SSBP2: variants seen among roughly 807,000 people sequenced by gnomAD.
The protein encoded by SSBP2 is single stranded DNA binding protein 2, also known as single-stranded DNA-binding protein 2.
In SSBP2, 17 loss-of-function variants were observed where a neutral mutation model predicts 61.8. That is an observed-to-expected ratio of 0.28 (90% CI 0.19 to 0.41). The LOEUF is 0.41. Among genes scored for constraint, SSBP2 ranks in the 10% least tolerant of loss-of-function variants. The pLI is 1.00. For synonymous variants in SSBP2, 139 were observed against 141.3 expected (o/e 0.98, Z 0.12); for missense variants, 310 against 458.7 (o/e 0.68, Z 2.96).
intron 4 of SSBP2, among the ~76,000 whole-genome samples, chr5:81,529,558 T>C (rs948068383): frequency 1.3e-5 from 2 of 152,104 alleles, no homozygotes; most frequent in Non-Finnish European, 2.9e-5. Flanking sequence ...ACACAGCTTA[T>C]TGTAAATGGT....
Position 81,513,673 on chromosome 5 carries a change from T to C in SSBP2, c.327A>G (p.Pro109=). Residue 109 remains proline, a synonymous_variant, in exon 5 of 17, where the codon CCA becomes CCG. Transcript: ENST00000320672. The stretch of plus-strand genomic sequence containing the variant: ...CAGGACCTACTGGCATGCCATCTCC[T>C]GGGGGAATGTTTCCTAGCACTGGAC... 3 of 1,613,170 alleles carry C rather than the reference T, an allele frequency of 1.9e-6. No homozygotes were observed. The highest frequency in any genetic ancestry group is 2.5e-6 in the Non-Finnish European group (3 of 1,179,352).
chr5:81,627,772 T>C (rs973481588), intron 3 of SSBP2, among the ~76,000 whole-genome samples: 1 of 152,088 alleles, frequency 6.6e-6, no homozygotes, highest in African/African-American at 2.4e-5. Flanking sequence ...AAAAATGAGG[T>C]ATAGGCTGGT....
intron 5 of SSBP2, among the ~76,000 whole-genome samples, chr5:81,501,988 G>A (rs890849287): frequency 6.6e-6 from 1 of 152,074 alleles, no homozygotes; most frequent in Admixed American, 6.5e-5. Flanking sequence ...TAGTTTGTAA[G>A]AGCCAACATT....
At chr5:81,484,381 T>C (rs570134116) in intron 6 of SSBP2, among the ~76,000 whole-genome samples, 1 of 152,154 alleles carries the variant, frequency 6.6e-6, no homozygotes, top group Non-Finnish European at 1.5e-5. Context: ...TAGAATTCAC[T>C]ATGCAAAATT....
At chr5:81,477,036 A>G (rs578037567) in intron 6 of SSBP2, among the ~76,000 whole-genome samples, 1 of 151,972 alleles carries the variant, frequency 6.6e-6, no homozygotes, top group Non-Finnish European at 1.5e-5. Context: ...TGTGTGTAAC[A>G]TACCCACATC....
intron 4 of SSBP2, among the ~76,000 whole-genome samples, chr5:81,550,354 G>A (rs1772078138): frequency 1.3e-5 from 2 of 151,968 alleles, no homozygotes; most frequent in African/African-American, 4.8e-5. Flanking sequence ...TTATATTATT[G>A]TATTATCTAA....
At chr5:81,657,252 C>T (rs758547561) in intron 1 of SSBP2, among the ~76,000 whole-genome samples, 8 of 152,202 alleles carry the variant, frequency 5.3e-5, no homozygotes, top group African/African-American at 9.6e-5. Flanking sequence ...TGTAAAGAAT[C>T]AGAAAGCCAA....
chr5:81,492,206 C>T (rs1251495391), intron 5 of SSBP2, among the ~76,000 whole-genome samples: 1 of 152,146 alleles, frequency 6.6e-6, no homozygotes, highest in Non-Finnish European at 1.5e-5. Flanking sequence ...AGAATAGGTT[C>T]TTCAAGAGTC....
At chr5:81,442,987 T>C (rs954916679) in intron 12 of SSBP2, 2 of 239,036 alleles carry the variant, frequency 8.4e-6, no homozygotes, top group Non-Finnish European at 1.6e-5. Flanking sequence ...TATAGTAAAG[T>C]TTTTCTTTTT....
chr5:81,442,161 T>C (rs988076682), intron 13 of SSBP2, among the ~76,000 whole-genome samples: 38 of 152,202 alleles, frequency 2.5e-4, no homozygotes, highest in African/African-American at 8.9e-4. Flanking sequence ...ATCATGACTA[T>C]ATGCTTTATT....
chr5:81,613,444 G>C (rs1332791292), intron 4 of SSBP2, among the ~76,000 whole-genome samples: 1 of 152,118 alleles, frequency 6.6e-6, no homozygotes, highest in East Asian at 1.9e-4. Flanking sequence ...AGTGTCTTAT[G>C]AATGCAAGAT....
intron 1 of SSBP2, among the ~76,000 whole-genome samples, chr5:81,690,883 T>A (rs570615133): frequency 6.6e-6 from 1 of 152,118 alleles, no homozygotes; most frequent in South Asian, 2.1e-4. Context: ...TTGACCACAA[T>A]GAAATAAAAC....
intron 1 of SSBP2, among the ~76,000 whole-genome samples, chr5:81,718,497 A>G (rs1755325032): frequency 6.6e-6 from 1 of 152,224 alleles, no homozygotes; most frequent in Non-Finnish European, 1.5e-5. Context: ...CCGGAAGCAG[A>G]GGTCAAGCTG....
intron 3 of SSBP2, among the ~76,000 whole-genome samples, chr5:81,622,477 C>G (rs1746692153): frequency 6.6e-6 from 1 of 152,202 alleles, no homozygotes; most frequent in South Asian, 2.1e-4. Context: ...TGATTACCAG[C>G]TGTGACAGCC....
chr5:81,445,624 T>G (rs1763354437), intron 12 of SSBP2, among the ~76,000 whole-genome samples: 1 of 152,062 alleles, frequency 6.6e-6, no homozygotes, highest in Non-Finnish European at 1.5e-5. Context: ...AAAGTAAAAT[T>G]TTGTATTAAT....
At chr5:81,620,522 A>G (rs1480302682) in intron 3 of SSBP2, among the ~76,000 whole-genome samples, 38 of 135,364 alleles carry the variant, frequency 2.8e-4, no homozygotes, top group African/African-American at 9.9e-4. Context: ...GAAAATGGCC[A>G]TACTGCCCAA....
At chr5:81,475,852 T>C (rs1344985083) in intron 6 of SSBP2, among the ~76,000 whole-genome samples, 1 of 152,114 alleles carries the variant, frequency 6.6e-6, no homozygotes. Context: ...TGTATACATA[T>C]GCAAGTTATA....
intron 4 of SSBP2, among the ~76,000 whole-genome samples, chr5:81,567,559 T>C (rs1406221456): frequency 1.3e-5 from 2 of 152,202 alleles, no homozygotes; most frequent in African/African-American, 4.8e-5. Flanking sequence ...TGGGGTCAGA[T>C]TCCCCCAGAC....
At chr5:81,453,143 A>G (rs531710330) in intron 10 of SSBP2, among the ~76,000 whole-genome samples, 2 of 151,772 alleles carry the variant, frequency 1.3e-5, no homozygotes, top group Admixed American at 1.3e-4. Flanking sequence ...AAAAACAAAA[A>G]AAAAATTAGC....
Sources: allele counts gnomAD v4.1 joint callset (sites outside exome capture counted in the v4.1 genomes callset), GRCh38; gene constraint gnomAD v4.1.1; transcripts MANE v1.5; gene names NCBI Gene and HGNC (gene_info 2026-07-23, HGNC 2026-07-21).